The following SGK1 variants were observed in gnomAD, a reference collection of about 807,000 sequenced individuals.
The protein encoded by SGK1 is serine/threonine-protein kinase Sgk1.
A neutral mutation model predicts 64.2 loss-of-function variants in SGK1; 26 were observed. That is an observed-to-expected ratio of 0.40 (90% CI 0.30 to 0.56). SGK1 has a LOEUF of 0.56. SGK1 is among the 20% of genes least tolerant of loss of function. SGK1 has a pLI of 0.38. For missense variants in SGK1, 519 were observed against 645.6 expected (o/e 0.80, Z 2.12); for synonymous variants, 265 against 239.7 (o/e 1.11, Z -0.98).
chr6:134,171,621 C>T lies in SGK1; in HGVS notation c.1167+16G>A, dbSNP rs1562236485. ...GGGAGCAGGCAGTGTTCCATGGTTC[C>T]CAATGTGCCACTCACCAGGCCATAC... On this transcript the variant is annotated intron_variant, in intron 11 of 13. Coordinates refer to ENST00000367858, the MANE Select transcript of SGK1 (RefSeq NM_001143676.3). 2 of 1,577,414 alleles carry T rather than the reference C, an allele frequency of 1.3e-6. No individual in the cohort carries two copies. The highest frequency in any genetic ancestry group is 3.3e-5 in the Admixed American group (2 of 59,934).
chr6:134,233,247 C>G (rs1032063890), intron 2 of SGK1, among the ~76,000 whole-genome samples: 10 of 152,172 alleles, frequency 6.6e-5, no homozygotes, highest in African/African-American at 2.4e-4. Context: ...AACTTGAATG[C>G]ATTTGTATCC....
At chr6:134,175,172 G>C (rs1032485814) in intron 3 of SGK1, among the ~76,000 whole-genome samples, 1 of 152,164 alleles carries the variant, frequency 6.6e-6, no homozygotes, top group Non-Finnish European at 1.5e-5. Flanking sequence ...GAGAGCCCGG[G>C]GTAGTTTTCC....
intron 1 of SGK1, among the ~76,000 whole-genome samples, chr6:134,292,584 C>T (rs1777284237): frequency 6.6e-6 from 1 of 151,664 alleles, no homozygotes; most frequent in Non-Finnish European, 1.5e-5. Context: ...CAAAGTGAGA[C>T]TGTCTCAAAA....
At position 134,301,250 on chromosome 6, in the gene SGK1, T is replaced by A. The variant is rs369616589; in HGVS notation, c.69+16142A>T. Among the ~76,000 whole-genome samples the A allele has an allele frequency of 7.9e-5, 12 of 152,104 alleles. 1 individual carries two copies. Among genetic ancestry groups the A allele is most frequent in the East Asian group, 7.7e-4 (4 of 5,182 alleles). The stretch of plus-strand genomic sequence containing the variant: ...GCACAGGAATGAATGAACCTGTGTG[T>A]GGAGGAGGAGGGAGAGTGGATGGGA... On this transcript the variant is annotated intron_variant, in intron 1 of 13. Transcript: ENST00000367858.
intron 1 of SGK1, among the ~76,000 whole-genome samples, chr6:134,283,873 CAAAAAAAAA>C (rs35999916): frequency 1.5e-4 from 4 of 26,152 alleles, no homozygotes; most frequent in Non-Finnish European, 2.2e-4. Context: ...CTGCCACCAC[CAAAAAAAAA>C]AAAAAAAAAA....
chr6:134,177,784 G>T, intron 3 of SGK1: 1 of 1,613,700 alleles, frequency 6.2e-7, no homozygotes, highest in Non-Finnish European at 8.5e-7. Context: ...AAGCCTCCCT[G>T]CTACATGCCT....
rs139062612 is a variant in SGK1 at position 134,188,542 on chromosome 6, T to C, written c.362-13956A>G. Among the ~76,000 whole-genome samples the C allele has an allele frequency of 1.9e-3, 289 of 152,326 alleles. 1 individual carries two copies. The highest frequency in any genetic ancestry group is 6.7e-3 in the African/African-American group (278 of 41,566). On this transcript the variant is annotated intron_variant, in intron 3 of 13. Transcript: ENST00000367858. ...TTATATATAGAGATATATACATGTA[T>C]GATAGCATCAGTAATTCAGCGGTGT... is the stretch of plus-strand genomic sequence containing the variant.
At chr6:134,174,476 A>T (rs765843775) in intron 4 of SGK1, 35 bp downstream of exon 4, 2 of 1,508,880 alleles carry the variant, frequency 1.3e-6, no homozygotes, top group Non-Finnish European at 1.8e-6. Context: ...AATTCAAACT[A>T]TACTAGTTAT....
chr6:134,280,409 TG>T (rs1356079776), intron 1 of SGK1, among the ~76,000 whole-genome samples: 1 of 152,036 alleles, frequency 6.6e-6, no homozygotes, highest in Non-Finnish European at 1.5e-5. Context: ...AGATGCTTTG[TG>T]GTGGTAATTT....
At chr6:134,306,874 A>C (rs1777542278) in intron 1 of SGK1, among the ~76,000 whole-genome samples, 1 of 129,692 alleles carries the variant, frequency 7.7e-6, no homozygotes, top group East Asian at 2.7e-4. Context: ...TGCTCAATTC[A>C]TGTTGGCTGT....
intron 2 of SGK1, among the ~76,000 whole-genome samples, chr6:134,253,210 T>C (rs78451274): frequency 0.041 from 6,210 of 152,202 alleles, 231 homozygotes; most frequent in East Asian, 0.12. Context: ...CATCCCAGAA[T>C]TGTATGAAGC....
intron 2 of SGK1, among the ~76,000 whole-genome samples, chr6:134,247,617 G>A (rs547519432): frequency 1.3e-5 from 2 of 152,238 alleles, no homozygotes; most frequent in Non-Finnish European, 2.9e-5. Flanking sequence ...TTAATAATAC[G>A]GTTATTCGTG....
chr6:134,192,012 G>A (rs1775520498), intron 3 of SGK1, among the ~76,000 whole-genome samples: 1 of 151,660 alleles, frequency 6.6e-6, no homozygotes, highest in Admixed American at 6.6e-5. Flanking sequence ...TGTATTTTTA[G>A]TAGAGACGGG....
rs564556514 is a variant in SGK1 at position 134,171,547 on chromosome 6, A to T, written c.1167+90T>A. 60 of 863,844 alleles carry T rather than the reference A, an allele frequency of 6.9e-5. No individual in the cohort carries two copies. The South Asian group carries it at 8.5e-4, about 12-fold the overall frequency. The allele number at this position is 863,844 out of a possible 1,614,324, so 53.5% of individuals were successfully genotyped here. A position where few individuals can be genotyped will look rare whatever the true frequency, so the allele number is the denominator to read the frequency against. On this transcript the variant is annotated intron_variant, in intron 11 of 13. Transcript: ENST00000367858. The stretch of plus-strand genomic sequence containing the variant: ...GCTGCTTTTGATAAGCGTACTGGTA[A>T]GGGCAAGACACCATGGCCAAGCATG...
chr6:134,179,995 C>T (rs577179592), intron 3 of SGK1, among the ~76,000 whole-genome samples: 16 of 152,192 alleles, frequency 1.1e-4, no homozygotes, highest in African/African-American at 3.6e-4. Context: ...ACTCTGTTGT[C>T]CAGGCTAGAG....
intron 1 of SGK1, among the ~76,000 whole-genome samples, chr6:134,292,239 G>C (rs930589967): frequency 1.3e-5 from 2 of 152,158 alleles, no homozygotes; most frequent in Non-Finnish European, 2.9e-5. Flanking sequence ...ACCCAGAGAA[G>C]TTCCTTTAGT....
intron 3 of SGK1, among the ~76,000 whole-genome samples, chr6:134,197,987 C>A (rs188136064): frequency 1.7e-4 from 26 of 152,072 alleles, no homozygotes; most frequent in African/African-American, 6.3e-4. Context: ...TGAACATCCA[C>A]AAGAAACATA....
At chr6:134,301,909 GA>G (rs1282009480) in intron 1 of SGK1, among the ~76,000 whole-genome samples, 1 of 152,162 alleles carries the variant, frequency 6.6e-6, no homozygotes, top group African/African-American at 2.4e-5. Flanking sequence ...AACTGAAAGG[GA>G]AAGTTAAGAT....
At chr6:134,190,533 AC>A (rs1415834870) in intron 3 of SGK1, among the ~76,000 whole-genome samples, 1 of 151,524 alleles carries the variant, frequency 6.6e-6, no homozygotes, top group Admixed American at 6.6e-5. Flanking sequence ...TAATCCACCC[AC>A]CTCAGCCTCC....
Sources: allele counts gnomAD v4.1 joint callset (sites outside exome capture counted in the v4.1 genomes callset), GRCh38; gene constraint gnomAD v4.1.1; transcripts MANE v1.5; gene names NCBI Gene and HGNC (gene_info 2026-07-23, HGNC 2026-07-21).